ARFRP1: variants seen among roughly 807,000 people sequenced by gnomAD.
ARFRP1 encodes ADP-ribosylation factor-related protein 1.
In ARFRP1, 19 loss-of-function variants were observed where a neutral mutation model predicts 30.3. That is an observed-to-expected ratio of 0.63 (90% CI 0.44 to 0.92). The LOEUF (loss-of-function observed/expected upper bound fraction) is 0.92. Ranked by LOEUF, ARFRP1 falls within the 40% of genes least tolerant of loss-of-function variation. The probability of loss-of-function intolerance (pLI) is 0.00; values close to 1 mark genes in which losing one functional copy is unlikely to be tolerated. For missense variants in ARFRP1, 245 were observed against 267.5 expected, an observed-to-expected ratio of 0.92 and a Z score of 0.59; for synonymous variants, 133 against 114.2, an observed-to-expected ratio of 1.16 and a Z score of -1.05.
chr20:63,706,858 AGGAGG>A, intron 2 of ARFRP1, 120 bp from the exon 3 acceptor site: 1 of 1,264,258 alleles, frequency 7.9e-7, no homozygotes, highest in South Asian at 1.2e-5. Flanking sequence ...TCTGCTCTTC[AGGAGG>A]CTGGTGGTGA....
chr20:63,701,150 C>T (rs1400408108), intron 6 of ARFRP1: 2 of 454,410 alleles, frequency 4.4e-6, no homozygotes, highest in Admixed American at 2.5e-5. Flanking sequence ...AGCAGCCCTC[C>T]CCTCCCCTTT....
intron 6 of ARFRP1, 176 bp from the exon 7 acceptor site, chr20:63,700,878 G>A: frequency 3.8e-6 from 3 of 798,348 alleles, no homozygotes; most frequent in South Asian, 3.6e-5. Context: ...CTCAGCCCGA[G>A]GCTGAACATG....
intron 4 of ARFRP1, chr20:63,704,361 C>G (rs914301847): frequency 6.6e-6 from 1 of 152,266 alleles, no homozygotes; most frequent in Non-Finnish European, 1.5e-5. Context: ...CGCTGAATGA[C>G]GAGCCACAGC....
chr20:63,702,053 C>T, intron 5 of ARFRP1, 83 bp downstream of exon 5: 1 of 1,431,830 alleles, frequency 7.0e-7, no homozygotes, highest in South Asian at 1.2e-5. Context: ...AGACACTGAG[C>T]CTGCCCCAGG....
rs1025373107 is a variant in ARFRP1 at position 63,700,865 on chromosome 20, G to T, written c.418-163C>A. 4 of 963,866 alleles carry T rather than the reference G, an allele frequency of 4.1e-6. No individual in the cohort carries two copies. The Admixed American group carries it at 1.0e-4, about 25-fold the overall frequency. The allele number at this position is 963,866 out of a possible 1,614,324, so 59.7% of individuals were successfully genotyped here. ...CAGAGACCACAGCAGTGAGGACCCT[G>T]TGCTCAGCCCGAGGCTGAACATGGC... is the stretch of plus-strand genomic sequence containing the variant. On this transcript the variant is annotated intron_variant, in intron 6 of 7. Coordinates refer to ENST00000622789, the MANE Select transcript of ARFRP1 (RefSeq NM_001267547.3).
rs960436330 is a variant in ARFRP1 at position 63,698,810 on chromosome 20, C to T, written c.*1633G>A. ...GGGGCTTCCCCTACCTCAGACAGAC[C>T]CTCCCTGGGAGGATCAGTGGGGAGT... On this transcript the variant is annotated 3_prime_UTR_variant, in exon 8 of 8. Transcript: ENST00000622789. The T allele has an allele frequency of 4.8e-5, 20 of 420,414 alleles. No homozygotes were observed. Among genetic ancestry groups the T allele is most frequent in the African/African-American group, 3.8e-4 (18 of 47,684 alleles). 26.0% of individuals were successfully genotyped at this position (420,414 alleles called of 1,614,324 possible).
intron 4 of ARFRP1, chr20:63,703,052 T>C (rs539330237): frequency 6.6e-6 from 1 of 152,074 alleles, no homozygotes; most frequent in African/African-American, 2.4e-5. Flanking sequence ...TCTATCTCAA[T>C]CAGAAAAAAA....
At chr20:63,701,998 G>GGGCCCCCCCCCC in intron 5 of ARFRP1, 98 bp from the exon 6 acceptor site, 1 of 583,910 alleles carries the variant, frequency 1.7e-6, no homozygotes, top group Non-Finnish European at 2.6e-6. Context: ...CACTCCCTCT[G>GGGCCCCCCCCCC]CCCCCCCCCC....
At position 63,700,001 on chromosome 20, in the gene ARFRP1, G is replaced by GGGGTCACA. The variant is rs2091116574; in HGVS notation, c.*434_*441dup. ...ACCACTTCCGGGGTCACGGGGTCACGGGGTCACAGGGCAGAAGCCAGATGG... is the reference window on the plus strand; with the variant it reads ...ACCACTTCCGGGGTCACGGGGTCACGGGGTCACAGGGTCACAGGGCAGAAGCCAGATGG... On this transcript the variant is annotated 3_prime_UTR_variant, in exon 8 of 8. Transcript: ENST00000622789. 1 of 221,574 alleles carries GGGGTCACA rather than the reference G, an allele frequency of 4.5e-6. No individual in the cohort carries two copies. The highest frequency in any genetic ancestry group is 9.1e-6 in the Non-Finnish European group (1 of 110,214). The allele number at this position is 221,574 out of a possible 1,614,324, so 13.7% of individuals were successfully genotyped here.
chr20:63,705,818 C>A (rs781636612), intron 4 of ARFRP1: 1 of 513,196 alleles, frequency 1.9e-6, no homozygotes, highest in Admixed American at 2.1e-5. Context: ...CTGCCCTGAC[C>A]TCTCTGACTT....
In ARFRP1 at chr20:63,701,908, G is replaced by A. The variant is rs2091223578; in HGVS notation, c.347-8C>T. 1 of 1,549,838 alleles carries A rather than the reference G, an allele frequency of 6.5e-7. No individual in the cohort carries two copies. The highest frequency in any genetic ancestry group is 2.4e-5 in the East Asian group (1 of 40,962). ...CGCTGGTCACCACCTTCTCTGGGGA[G>A]GGCAGGAGAGGCAGCGCCTCACACC... On this transcript the variant is annotated splice_polypyrimidine_tract_variant and splice_region_variant and intron_variant, in intron 5 of 7. Transcript: ENST00000622789.
intron 4 of ARFRP1, chr20:63,704,664 G>A (rs1044247795): frequency 5.9e-5 from 9 of 152,312 alleles, no homozygotes; most frequent in African/African-American, 2.2e-4. Flanking sequence ...GAGGCCCTCA[G>A]GACCTTGGAG....
chr20:63,703,082 A>G (rs1224210353), intron 4 of ARFRP1: 2 of 152,314 alleles, frequency 1.3e-5, no homozygotes, highest in African/African-American at 4.8e-5. Flanking sequence ...CTCCGCGTCC[A>G]CGTGGAGCAG....
At chr20:63,701,158 T>C (rs1323840068) in intron 6 of ARFRP1, 2 of 465,692 alleles carry the variant, frequency 4.3e-6, no homozygotes, top group African/African-American at 4.0e-5. Flanking sequence ...TCCCCTCCCC[T>C]TTTCCTCCGA....
At position 63,699,963 on chromosome 20, in the gene ARFRP1, A is replaced by T. The variant is rs1601225952; in HGVS notation, c.*480T>A. ...CATGGCCTGGGTCTTCCTCAAGGCA[A>T]GATCAGCCCCAGACCACTTCCGGGG... On this transcript the variant is annotated 3_prime_UTR_variant, in exon 8 of 8. Coordinates refer to ENST00000622789, the MANE Select transcript of ARFRP1 (RefSeq NM_001267547.3). 1 of 192,326 alleles carries T rather than the reference A, an allele frequency of 5.2e-6. No homozygotes were observed. The highest frequency in any genetic ancestry group is 1.1e-5 in the Non-Finnish European group (1 of 91,458). 11.9% of individuals were successfully genotyped at this position (192,326 alleles called of 1,614,324 possible).
intron 1 of ARFRP1, 42 bp downstream of exon 1, chr20:63,707,825 G>A (rs2091570751): frequency 6.6e-6 from 1 of 152,552 alleles, no homozygotes; most frequent in Non-Finnish European, 1.5e-5. Context: ...GTCCTGGGCC[G>A]CCCCTCGGGC....
At chr20:63,700,740 C>T (rs1260870590) in intron 6 of ARFRP1, 38 bp from the exon 7 acceptor site, 4 of 1,600,412 alleles carry the variant, frequency 2.5e-6, no homozygotes, top group Non-Finnish European at 3.4e-6. Flanking sequence ...GCCCCCACGT[C>T]TGGCCCTGTC....
At chr20:63,701,736 G>T in intron 6 of ARFRP1, 94 bp downstream of exon 6, 1 of 1,204,730 alleles carries the variant, frequency 8.3e-7, no homozygotes, top group Non-Finnish European at 1.2e-6. Context: ...GGCAGTCACT[G>T]GGCCTGGGGT....
chr20:63,704,951 AGGGCTCCCTGCT>A (rs1213101333), intron 4 of ARFRP1: 1 of 152,324 alleles, frequency 6.6e-6, no homozygotes, highest in Non-Finnish European at 1.5e-5. Flanking sequence ...GTTCTCCTCC[AGGGCTCCCTGCT>A]GGGCCAACCA....
Sources: gnomAD v4.1 joint callset for allele counts on GRCh38, gnomAD v4.1.1 for gene constraint, MANE v1.5 for transcripts, NCBI Gene and HGNC (gene_info 2026-07-23, HGNC 2026-07-21) for gene names.